The following DENND2A variants were observed in gnomAD, a reference collection of about 807,000 sequenced individuals.
DENND2A encodes DENN domain-containing protein 2A.
A neutral mutation model predicts 105.3 loss-of-function variants in DENND2A; 53 were observed. The observed-to-expected ratio is 0.50, with a 90% CI of 0.40 to 0.63. DENND2A has a LOEUF of 0.63. Among genes scored for constraint, DENND2A ranks in the 30% least tolerant of loss-of-function variants. The pLI, the probability that DENND2A is intolerant of heterozygous loss-of-function variation, is 0.00. For synonymous variants in DENND2A, 522 were observed against 508.4 expected (o/e 1.03, Z -0.36); for missense variants, 1,138 against 1,279.6 (o/e 0.89, Z 1.69).
At chr7:140,639,786 C>T (rs182747120) in intron 1 of DENND2A, among the ~76,000 whole-genome samples, 112 of 152,254 alleles carry the variant, frequency 7.4e-4, no homozygotes, top group Non-Finnish European at 1.3e-3. Context: ...CTTCCCTTGC[C>T]CAATTTACGC....
intron 1 of DENND2A, chr7:140,610,050 C>T (rs1480113437): frequency 6.6e-6 from 1 of 152,122 alleles, no homozygotes; most frequent in East Asian, 1.9e-4. Context: ...ACTGCAGCTT[C>T]AACCTGCTGG....
chr7:140,554,093 GCAT>G (rs746881690), intron 12 of DENND2A, among the ~76,000 whole-genome samples: 12 of 152,172 alleles, frequency 7.9e-5, no homozygotes, highest in Non-Finnish European at 8.8e-5. Context: ...GGGTGTGGTG[GCAT>G]GTGCCTGTAG....
In DENND2A at chr7:140,523,316, C is replaced by T. The variant is rs762463828; in HGVS notation, c.2656G>A (p.Gly886Ser). 9 of 1,614,178 alleles carry T rather than the reference C, an allele frequency of 5.6e-6. No homozygotes were observed. Among genetic ancestry groups the T allele is most frequent in the Non-Finnish European group, 7.6e-6 (9 of 1,180,014 alleles). ...ACEQDEGPLD[G>S]RHGPESSPLN... Reference sequence around the variant, plus strand: ...GTGGCTGAACACTTACCGTGCCTGCCGTCTAGGGGCCCTTCGTCCTGCTCA... The same window carrying T: ...GTGGCTGAACACTTACCGTGCCTGCTGTCTAGGGGCCCTTCGTCCTGCTCA... The change falls in exon 17 of 20, where the codon GGC becomes AGC. Residue 886 changes from glycine to serine, a missense_variant. This residue lies in a region of DENND2A where 627 missense variants were observed against 779.8 expected (regional missense o/e 0.80). Coordinates refer to ENST00000496613, the MANE Select transcript of DENND2A (RefSeq NM_015689.5). This position sits in a 1 kb window ranked among gnomAD's most constrained non-coding sequence, Gnocchi z 4.5.
At chr7:140,594,366 C>T (rs1406706557) in intron 3 of DENND2A, among the ~76,000 whole-genome samples, 1 of 152,238 alleles carries the variant, frequency 6.6e-6, no homozygotes, top group Non-Finnish European at 1.5e-5. Flanking sequence ...CACACTCCTG[C>T]CTTGCAGTTC....
chr7:140,540,622 G>A (rs1200353764), intron 14 of DENND2A, among the ~76,000 whole-genome samples: 1 of 152,246 alleles, frequency 6.6e-6, no homozygotes, highest in Non-Finnish European at 1.5e-5. Context: ...GGCTGGCCCA[G>A]CGTCCAACCT....
At chr7:140,569,518 G>A (rs1015428957) in intron 7 of DENND2A, 127 bp downstream of exon 7, 25 of 742,138 alleles carry the variant, frequency 3.4e-5, no homozygotes, top group African/African-American at 2.1e-4. Flanking sequence ...AAGACAGTGC[G>A]GGACATTTAC....
intron 5 of DENND2A, among the ~76,000 whole-genome samples, chr7:140,584,636 A>T (rs943686917): frequency 6.6e-6 from 1 of 152,202 alleles, no homozygotes; most frequent in South Asian, 2.1e-4. Context: ...TCAAAAGGAT[A>T]TTCTGTAAAA....
At chr7:140,545,236 G>A (rs1411836401) in intron 13 of DENND2A, among the ~76,000 whole-genome samples, 1 of 152,176 alleles carries the variant, frequency 6.6e-6, no homozygotes, top group Non-Finnish European at 1.5e-5. Context: ...CGCCCAGCAG[G>A]CCTGAGCAGC....
intron 1 of DENND2A, among the ~76,000 whole-genome samples, chr7:140,612,897 C>G (rs1483238505): frequency 6.6e-6 from 1 of 151,694 alleles, no homozygotes; most frequent in African/African-American, 2.4e-5. Context: ...GGTGGATCAC[C>G]TGAGGTCAGG....
chr7:140,559,656 C>CT lies in DENND2A; in HGVS notation c.1889+51dup. On this transcript the variant is annotated intron_variant, in intron 10 of 19. Transcript: ENST00000496613. The surrounding 1 kb of genome is among the most constrained non-coding windows in gnomAD (Gnocchi z 4.1). Reference sequence around the variant, plus strand: ...TGGTCTGCCACCTGTAACCCCGTCTCTAAGTCTCGCCTTAGTCTTTGGGGC... The same window carrying CT: ...TGGTCTGCCACCTGTAACCCCGTCTCTTAAGTCTCGCCTTAGTCTTTGGGGC... 7.2e-7 allele frequency: 1 copy of CT among 1,380,390 alleles called. No individual in the cohort carries two copies. Among genetic ancestry groups the CT allele is most frequent in the Non-Finnish European group, 1.0e-6 (1 of 972,074 alleles). 85.5% of individuals were successfully genotyped at this position (1,380,390 alleles called of 1,614,324 possible).
chr7:140,601,993 C>T lies in DENND2A; in HGVS notation c.405G>A (p.Val135=). Residue 135 remains valine (V), a synonymous_variant, in exon 3 of 20, where the codon GTG becomes GTA. Transcript: ENST00000496613. The part of the protein sequence containing the change: ...GQDLSQPERE[V]DPSWGRGREP... ...CTCGGCCTCGGCCCCAGCTAGGATC[C>T]ACTTCCCGTTCTGGCTGGCTTAGGT... is the stretch of plus-strand genomic sequence containing the variant. 1 of 1,614,228 alleles carries T rather than the reference C, an allele frequency of 6.2e-7. No homozygotes were observed. The highest frequency in any genetic ancestry group is 8.5e-7 in the Non-Finnish European group (1 of 1,180,044).
At chr7:140,586,536 C>G (rs1798791531) in intron 4 of DENND2A, among the ~76,000 whole-genome samples, 1 of 151,786 alleles carries the variant, frequency 6.6e-6, no homozygotes, top group Admixed American at 6.6e-5. Flanking sequence ...TCCTGGGTAA[C>G]AGAGTGAGAC....
chr7:140,534,991 C>G (rs562413498), intron 14 of DENND2A, among the ~76,000 whole-genome samples: 57 of 152,198 alleles, frequency 3.7e-4, no homozygotes, highest in African/African-American at 1.3e-3. Flanking sequence ...TCCAGAACAT[C>G]AGGACGCACT....
chr7:140,583,035 T>TA (rs1460211701), intron 5 of DENND2A, among the ~76,000 whole-genome samples: 2 of 152,160 alleles, frequency 1.3e-5, no homozygotes, highest in Middle Eastern at 6.8e-3. Context: ...CTCACGCCTG[T>TA]AATCTCAACA....
chr7:140,581,194 G>C (rs1340075990), intron 5 of DENND2A, among the ~76,000 whole-genome samples: 1 of 152,096 alleles, frequency 6.6e-6, no homozygotes, highest in South Asian at 2.1e-4. Flanking sequence ...AACCCAGGAG[G>C]TGGAGGTTGC....
At chr7:140,584,875 C>A (rs756136139) in intron 5 of DENND2A, among the ~76,000 whole-genome samples, 1 of 152,028 alleles carries the variant, frequency 6.6e-6, no homozygotes, top group African/African-American at 2.4e-5. Context: ...TAGACATGTG[C>A]GAGTTTACAT....
At chr7:140,592,567 A>C (rs190357063) in intron 3 of DENND2A, among the ~76,000 whole-genome samples, 66 of 143,632 alleles carry the variant, frequency 4.6e-4, no homozygotes, top group African/African-American at 1.6e-3. Context: ...CTGGTCTTGA[A>C]CTCCTGACCT....
rs1017963832 is a variant in DENND2A, at chr7:140,568,643, C to T, written c.1591+120G>A. ...GTGGCCCCACTGTCTCCCGAGATGT[C>T]CACGCCTTGCCAAGCAAGCTCCGGC... On this transcript the variant is annotated intron_variant, in intron 8 of 19. Coordinates refer to ENST00000496613, the MANE Select transcript of DENND2A (RefSeq NM_015689.5). The T allele has an allele frequency of 9.9e-6, 10 of 1,014,236 alleles. 1 individual carries two copies. In the South Asian group the frequency reaches 1.1e-4, roughly 11 times the overall value. 62.8% of individuals were successfully genotyped at this position (1,014,236 alleles called of 1,614,324 possible).
At chr7:140,632,722 C>A (rs1294538819) in intron 1 of DENND2A, among the ~76,000 whole-genome samples, 1 of 151,448 alleles carries the variant, frequency 6.6e-6, no homozygotes, top group Admixed American at 6.6e-5. Context: ...GCGCCTGCCT[C>A]CACACCCGGC....
Sources: gnomAD v4.1 joint callset for allele counts (sites outside exome capture counted in the v4.1 genomes callset) on GRCh38, gnomAD v4.1.1 for gene constraint, gnomAD v4.1.1 regional missense constraint, Gnocchi (gnomAD v3.1) non-coding constraint, MANE v1.5 for transcripts, NCBI Gene and HGNC (gene_info 2026-07-23, HGNC 2026-07-21) for gene names.